PLCG2: variants seen among roughly 807,000 people sequenced by gnomAD.
PLCG2 encodes the protein phospholipase C gamma 2, also known as 1-phosphatidylinositol 4,5-bisphosphate phosphodiesterase gamma-2.
Under a neutral mutation model 175.6 loss-of-function variants are expected in PLCG2, and 69 were observed. The observed-to-expected ratio is 0.39, with a 90% CI of 0.32 to 0.48. PLCG2 has a LOEUF of 0.48. PLCG2 is among the 20% of genes least tolerant of loss of function. The probability of loss-of-function intolerance (pLI) is 0.91; values close to 1 mark genes in which losing one functional copy is unlikely to be tolerated. For synonymous variants in PLCG2, 827 were observed against 624.0 expected, an observed-to-expected ratio of 1.33 and a Z score of -4.85; for missense variants, 1,798 against 1,650.9, an observed-to-expected ratio of 1.09 and a Z score of -1.54.
At chr16:81,837,953 T>C (rs1169977303) in intron 2 of PLCG2, among the ~76,000 whole-genome samples, 1 of 152,240 alleles carries the variant, frequency 6.6e-6, no homozygotes, top group African/African-American at 2.4e-5. Flanking sequence ...TATTTAGTTA[T>C]GTACAATTTG....
At chr16:81,921,309 A>T (rs1402498076) in intron 21 of PLCG2, 40 bp downstream of exon 21, 2 of 1,328,032 alleles carry the variant, frequency 1.5e-6, no homozygotes. Flanking sequence ...TTTTGGAGTC[A>T]CGAGGCTGAT....
rs1025466344 is a variant in PLCG2 at position 81,792,494 on chromosome 16, A to C, written c.193+6312A>C. Among the ~76,000 whole-genome samples the C allele has an allele frequency of 7.8e-3, 1,149 of 147,462 alleles. 44 individuals carry two copies. Among genetic ancestry groups the C allele is most frequent in the African/African-American group, 0.027 (1,088 of 40,244 alleles). On this transcript the variant is annotated intron_variant, in intron 2 of 32. Coordinates refer to ENST00000564138, the MANE Select transcript of PLCG2 (RefSeq NM_002661.5). ...AGGCTCTGTCTCAAAAAAAAAAAAAAAAAAAAAAAAAAAAAAAGACAAAAC... is the reference window on the plus strand; with the variant it reads ...AGGCTCTGTCTCAAAAAAAAAAAAACAAAAAAAAAAAAAAAAAGACAAAAC...
At chr16:81,748,042 T>C (rs891492463) in intron 1 of PLCG2, among the ~76,000 whole-genome samples, 1 of 152,142 alleles carries the variant, frequency 6.6e-6, no homozygotes, top group African/African-American at 2.4e-5. Flanking sequence ...ACTCAGCTAA[T>C]TTTTGTATTT....
rs750388097 is a variant in PLCG2, at chr16:81,786,040, G to C, written c.51G>C (p.Gln17His). Reference sequence around the variant, plus strand: ...CCCTTGCGGAATATGAGAAGAGCCAGATCAAGAGAGCCCTGGAGCTGGGGA... The same window carrying C: ...CCCTTGCGGAATATGAGAAGAGCCACATCAAGAGAGCCCTGGAGCTGGGGA... Reference protein sequence around the residue: ...VDSLAEYEKSQIKRALELGTV... With the variant: ...VDSLAEYEKSHIKRALELGTV... Residue 17 changes from glutamine to histidine, a missense_variant, in exon 2 of 33, where the codon CAG (glutamine) becomes CAC (histidine). Coordinates refer to ENST00000564138, the MANE Select transcript of PLCG2 (RefSeq NM_002661.5). The C allele has an allele frequency of 4.3e-6, 7 of 1,614,232 alleles. No homozygotes were observed. The highest frequency in any genetic ancestry group is 5.1e-6 in the Non-Finnish European group (6 of 1,180,044).
chr16:81,810,506 A>G (rs1904308791), intron 2 of PLCG2, among the ~76,000 whole-genome samples: 1 of 152,176 alleles, frequency 6.6e-6, no homozygotes, highest in South Asian at 2.1e-4. Context: ...AGACTGGTGA[A>G]AAATTTGGGT....
intron 2 of PLCG2, among the ~76,000 whole-genome samples, chr16:81,833,605 C>G (rs1271486514): frequency 6.6e-6 from 1 of 150,940 alleles, no homozygotes; most frequent in East Asian, 2.0e-4. Flanking sequence ...TCACAGCTCA[C>G]TGTACCTTCC....
intron 31 of PLCG2, among the ~76,000 whole-genome samples, chr16:81,952,472 TAAATA>T (rs1911406081): frequency 2.0e-5 from 3 of 151,896 alleles, no homozygotes; most frequent in East Asian, 3.9e-4. Context: ...AGACATGGGA[TAAATA>T]AAATATAAAA....
intron 2 of PLCG2, among the ~76,000 whole-genome samples, chr16:81,853,694 C>T (rs1357839063): frequency 6.6e-6 from 1 of 152,128 alleles, no homozygotes; most frequent in Non-Finnish European, 1.5e-5. Flanking sequence ...GTTGGGGAAT[C>T]CCTGATTTAT....
Position 81,958,562 on chromosome 16 carries a change from T to C in PLCG2, c.*564T>C, listed in dbSNP as rs1186957501. 4.3e-6 allele frequency: 1 copy of C among 231,148 alleles called. No homozygotes were observed. The highest frequency in any genetic ancestry group is 8.6e-6 in the Non-Finnish European group (1 of 116,936). The allele number at this position is 231,148 out of a possible 1,614,324, so 14.3% of individuals were successfully genotyped here. On this transcript the variant is annotated 3_prime_UTR_variant, in exon 33 of 33. Coordinates refer to ENST00000564138, the MANE Select transcript of PLCG2 (RefSeq NM_002661.5). ...CTGCCTGCTGCAGTCCACAAGAAAATGGCTGAGTGATGGGATCTGTTCATT... is the reference window on the plus strand; with the variant it reads ...CTGCCTGCTGCAGTCCACAAGAAAACGGCTGAGTGATGGGATCTGTTCATT...
chr16:81,815,684 G>A (rs915591507), intron 2 of PLCG2, among the ~76,000 whole-genome samples: 2 of 152,138 alleles, frequency 1.3e-5, no homozygotes, highest in African/African-American at 4.8e-5. Flanking sequence ...ATTTTTTCCA[G>A]TTCCCATGCA....
At chr16:81,831,302 G>C (rs1162827150) in intron 2 of PLCG2, among the ~76,000 whole-genome samples, 1 of 152,184 alleles carries the variant, frequency 6.6e-6, no homozygotes, top group Non-Finnish European at 1.5e-5. Flanking sequence ...AACAGTGCCT[G>C]GCACGCTGGC....
intron 1 of PLCG2, among the ~76,000 whole-genome samples, chr16:81,782,125 C>G (rs1225220388): frequency 6.6e-6 from 1 of 152,110 alleles, no homozygotes; most frequent in Non-Finnish European, 1.5e-5. Flanking sequence ...ATCCGCCCAC[C>G]TCGGCCTCCC....
chr16:81,890,273 C>G (rs1308164592), intron 10 of PLCG2, among the ~76,000 whole-genome samples: 3 of 152,292 alleles, frequency 2.0e-5, no homozygotes, highest in East Asian at 1.9e-4. Context: ...CTAACCTGGT[C>G]TTACCTTAGC....
intron 10 of PLCG2, among the ~76,000 whole-genome samples, chr16:81,890,976 G>A (rs961038429): frequency 3.3e-5 from 5 of 152,094 alleles, no homozygotes; most frequent in South Asian, 2.1e-4. Context: ...CAGCCTGGCC[G>A]ACATGGTAAA....
At chr16:81,772,460 C>T (rs781624657) in intron 2 of PLCG2, among the ~76,000 whole-genome samples, 12 of 151,886 alleles carry the variant, frequency 7.9e-5, no homozygotes, top group African/African-American at 1.2e-4. Context: ...GTTACGGCAG[C>T]CTTTGGAAGG....
intron 19 of PLCG2, among the ~76,000 whole-genome samples, chr16:81,917,657 G>A (rs1011890938): frequency 2.6e-5 from 4 of 152,152 alleles, no homozygotes; most frequent in Non-Finnish European, 5.9e-5. Flanking sequence ...CATTTTTTAC[G>A]TAACTGTTGG....
At chr16:81,865,726 G>T (rs1337039845) in intron 5 of PLCG2, among the ~76,000 whole-genome samples, 94 of 136,666 alleles carry the variant, frequency 6.9e-4, no homozygotes, top group Middle Eastern at 4.7e-3. Context: ...CCTCTCCCTT[G>T]CTCCCAGGAT....
chr16:81,896,267 G>A (rs1005089034), intron 13 of PLCG2, among the ~76,000 whole-genome samples: 3 of 152,110 alleles, frequency 2.0e-5, no homozygotes, highest in African/African-American at 4.8e-5. Context: ...AGTGGCTCAC[G>A]CCTGTAATCC....
At chr16:81,801,362 G>A (rs1196518722) in intron 2 of PLCG2, among the ~76,000 whole-genome samples, 2 of 152,098 alleles carry the variant, frequency 1.3e-5, no homozygotes, top group African/African-American at 2.4e-5. Flanking sequence ...CATATAATAT[G>A]TTTTGCAGGT....
Sources: allele counts gnomAD v4.1 joint callset (sites outside exome capture counted in the v4.1 genomes callset), GRCh38; gene constraint gnomAD v4.1.1; transcripts MANE v1.5; gene names NCBI Gene and HGNC (gene_info 2026-07-23, HGNC 2026-07-21).